The following GRM6 variants were observed in gnomAD, a reference collection of about 807,000 sequenced individuals.
GRM6 encodes the protein glutamate metabotropic receptor 6.
GRM6 carries 73 observed loss-of-function variants against 78.4 expected under a neutral mutation model. The ratio of observed to expected loss-of-function variants is 0.93; its 90% CI spans 0.77 to 1.13. The LOEUF (loss-of-function observed/expected upper bound fraction) is 1.13. Ranked by LOEUF, GRM6 falls within the 50% of genes most tolerant of loss-of-function variation. The pLI is 0.00. For missense variants in GRM6, 1,251 were observed against 1,256.4 expected (o/e 1.00, Z 0.07); for synonymous variants, 580 against 555.0 (o/e 1.05, Z -0.63).
Position 178,981,367 on chromosome 5 carries a change from T to C in GRM6, c.*290A>G, listed in dbSNP as rs1234036688. The C allele has an allele frequency of 2.4e-6, 1 of 408,754 alleles. No homozygotes were observed. 25.3% of individuals were successfully genotyped at this position (408,754 alleles called of 1,614,324 possible). A position where few individuals can be genotyped will look rare whatever the true frequency, so the allele number is the denominator to read the frequency against. On this transcript the variant is annotated 3_prime_UTR_variant, in exon 11 of 11. Coordinates refer to ENST00000517717, the MANE Select transcript of GRM6 (RefSeq NM_000843.4). This position sits in a 1 kb window ranked among gnomAD's most constrained non-coding sequence, Gnocchi z 5.1. ...TTCATCATCCTCTTTGGACTTCGGA[T>C]GAGAGAATAAGTTTAGTCCCTTTCT... is the stretch of plus-strand genomic sequence containing the variant.
chr5:178,995,117 G>T, intron 1 of GRM6, 157 bp from the exon 2 acceptor site: 1 of 275,454 alleles, frequency 3.6e-6, no homozygotes, highest in Non-Finnish European at 6.1e-6. Flanking sequence ...GCCTGCCCGG[G>T]CCTCCGTCTC....
In GRM6 at chr5:178,986,696, G is replaced by T; in HGVS notation, c.1558C>A (p.Leu520Met). The change falls in exon 9 of 11, where the codon CTG (leucine) becomes ATG (methionine). Residue 520 changes from leucine to methionine, a missense_variant. By Grantham distance (15) the Leu-to-Met change is conservative. Coordinates refer to ENST00000517717, the MANE Select transcript of GRM6 (RefSeq NM_000843.4). ...TTCCGCTCCCCCGGCCCGCAGGGCA[G>T]GCTGCACAGAGACGAGGGCACCTCG... ...PHEVPSSLCS[L>M]PCGPGERKKM... 6.2e-7 allele frequency: 1 copy of T among 1,604,650 alleles called. No individual in the cohort carries two copies.
chr5:178,991,525 G>A lies in GRM6; in HGVS notation c.756C>T (p.Pro252=). The change falls in exon 4 of 11, where the codon CCC becomes CCT. Residue 252 remains proline, a synonymous_variant. Coordinates refer to ENST00000517717, the MANE Select transcript of GRM6 (RefSeq NM_000843.4). This position sits in a 1 kb window ranked among gnomAD's most constrained non-coding sequence, Gnocchi z 5.0. Reference sequence around the variant, plus strand: ...TGAACTCTCCTGGCTTTGGTTCCCTGGGAATCTTGATAGACTGGGCAATAC... The same window carrying A: ...TGAACTCTCCTGGCTTTGGTTCCCTAGGAATCTTGATAGACTGGGCAATAC... ...GVCIAQSIKI[P]REPKPGEFSK... The A allele has an allele frequency of 6.8e-6, 11 of 1,613,798 alleles. No homozygotes were observed. Among genetic ancestry groups the A allele is most frequent in the Non-Finnish European group, 9.3e-6 (11 of 1,179,832 alleles).
Position 178,991,401 on chromosome 5 carries a change from C to T in GRM6, c.857+23G>A, listed in dbSNP as rs369327633. The T allele has an allele frequency of 3.1e-4, 494 of 1,612,496 alleles. 2 individuals carry two copies. In the East Asian group the frequency reaches 3.8e-3, roughly 13 times the overall value. The stretch of plus-strand genomic sequence containing the variant: ...ACCCTCAGGGAGAGCCCCAGGGGCC[C>T]GGTGATTGTGCCACTGTCCCACCTG... On this transcript the variant is annotated intron_variant, in intron 4 of 10. Transcript: ENST00000517717. This position sits in a 1 kb window ranked among gnomAD's most constrained non-coding sequence, Gnocchi z 5.0.
Position 178,994,863 on chromosome 5 carries a change from G to A in GRM6, c.82C>T (p.Arg28Cys). The A allele has an allele frequency of 8.4e-7, 1 of 1,196,094 alleles. No homozygotes were observed. Among genetic ancestry groups the A allele is most frequent in the Non-Finnish European group, 1.0e-6 (1 of 965,464 alleles). The allele number at this position is 1,196,094 out of a possible 1,614,324, so 74.1% of individuals were successfully genotyped here. ...GCCAGGCGCACAGAGCCCGCCGCGC[G>A]CGCCAGGCCCGCCTGCGCCAGCCAC... ...LAWLAQAGLA[R>C]AAGSVRLAGG... Residue 28 changes from arginine (R) to cysteine (C), a missense_variant, in exon 2 of 11, where the codon CGC becomes TGC. Arg to Cys is a radical substitution (Grantham distance 180). Transcript: ENST00000517717.
At position 178,980,328 on chromosome 5, in the gene GRM6, A is replaced by G. The variant is rs186709904; in HGVS notation, c.*1329T>C. ...AACCAAGCTTTTTGTAAAAACTATC[A>G]GTGAAAAACAAATGTGCGTGCATCT... On this transcript the variant is annotated 3_prime_UTR_variant, in exon 11 of 11. Transcript: ENST00000517717. The surrounding 1 kb of genome is among the most constrained non-coding windows in gnomAD (Gnocchi z 4.3). The G allele has an allele frequency of 3.9e-5, 6 of 154,548 alleles. No individual in the cohort carries two copies. The Admixed American group carries it at 3.9e-4, about 10-fold the overall frequency. The allele number at this position is 154,548 out of a possible 1,614,324, so 9.6% of individuals were successfully genotyped here. A position where few individuals can be genotyped will look rare whatever the true frequency, so the allele number is the denominator to read the frequency against.
At chr5:178,990,801 C>A in intron 4 of GRM6, 55 bp from the exon 5 acceptor site, 1 of 1,412,228 alleles carries the variant, frequency 7.1e-7, no homozygotes, top group Non-Finnish European at 9.7e-7. Context: ...TCCAGCTCGG[C>A]CCCCATCCCT....
In GRM6 at chr5:178,982,919, T is replaced by C. The variant is rs1242191937; in HGVS notation, c.2427A>G (p.Ser809=). 5.6e-6 allele frequency: 9 copies of C among 1,613,624 alleles called. No individual in the cohort carries two copies. In the South Asian group the frequency reaches 8.8e-5, roughly 16 times the overall value. The change falls in exon 10 of 11, where the codon TCA becomes TCG. Residue 809 remains serine (S), a synonymous_variant. Transcript: ENST00000517717. Reference sequence around the variant, plus strand: ...CTGGGGACCTCATTACCTTTTCAGCTGACTGGGCAGTGCCAAAGAAGATGG... The same window carrying C: ...CTGGGGACCTCATTACCTTTTCAGCCGACTGGGCAGTGCCAAAGAAGATGG... ...FVPIFFGTAQ[S]AEKIYIQTTT...
Position 178,991,307 on chromosome 5 carries a change from G to GC in GRM6, c.857+116_857+117insG. On this transcript the variant is annotated intron_variant, in intron 4 of 10. Coordinates refer to ENST00000517717, the MANE Select transcript of GRM6 (RefSeq NM_000843.4). The surrounding 1 kb of genome is among the most constrained non-coding windows in gnomAD (Gnocchi z 5.0). ...GAGGCAGCAGCAGGGAAGGTGGGGG[G>GC]TGCGGGGAGCAGGGGAAAGGGAGGC... 1 of 1,033,582 alleles carries GC rather than the reference G, an allele frequency of 9.7e-7. No homozygotes were observed. Among genetic ancestry groups the GC allele is most frequent in the Non-Finnish European group, 1.5e-6 (1 of 663,040 alleles). The allele number at this position is 1,033,582 out of a possible 1,614,324, so 64.0% of individuals were successfully genotyped here. A position where few individuals can be genotyped will look rare whatever the true frequency, so the allele number is the denominator to read the frequency against.
intron 9 of GRM6, 150 bp from the exon 10 acceptor site, chr5:178,983,371 T>C (rs1227823036): frequency 1.9e-5 from 14 of 756,672 alleles, no homozygotes; most frequent in Non-Finnish European, 3.2e-5. Flanking sequence ...TCAGGAGCAC[T>C]CAGTGGAGAA....
chr5:178,990,810 C>G (rs1760657051), intron 4 of GRM6, 64 bp from the exon 5 acceptor site: 1 of 1,312,800 alleles, frequency 7.6e-7, no homozygotes, highest in African/African-American at 1.5e-5. Context: ...GCCCCCATCC[C>G]TTCCCACTCT....
Position 178,991,671 on chromosome 5 carries a change from C to G in GRM6, c.722-112G>C. On this transcript the variant is annotated intron_variant, in intron 3 of 10. Transcript: ENST00000517717. The surrounding 1 kb of genome is among the most constrained non-coding windows in gnomAD (Gnocchi z 5.0). ...GCTGAAGGGTCTGCAGGGGTGAAGT[C>G]TGGCCTGCACCCTCCGCCAAGCCTG... 1 of 1,333,244 alleles carries G rather than the reference C, an allele frequency of 7.5e-7. No individual in the cohort carries two copies. The highest frequency in any genetic ancestry group is 1.1e-6 in the Non-Finnish European group (1 of 933,928). 82.6% of individuals were successfully genotyped at this position (1,333,244 alleles called of 1,614,324 possible).
In GRM6 at chr5:178,994,791, C is replaced by A. The variant is rs1174280583; in HGVS notation, c.154G>T (p.Ala52Ser). Reference protein sequence around the residue: ...GGLFPVHARGAAGRACGQLKK... With the variant: ...GGLFPVHARGSAGRACGQLKK... ...AGCTGCCCGCACGCCCGGCCCGCCGCGCCCCGCGCGTGCACCGGGAACAGG... is the reference window on the plus strand; with the variant it reads ...AGCTGCCCGCACGCCCGGCCCGCCGAGCCCCGCGCGTGCACCGGGAACAGG... The change falls in exon 2 of 11, where the codon GCG (alanine) becomes TCG (serine). Residue 52 changes from alanine to serine, a missense_variant. Ala to Ser is a moderately conservative substitution (Grantham distance 99, BLOSUM62 1). Coordinates refer to ENST00000517717, the MANE Select transcript of GRM6 (RefSeq NM_000843.4). 1.5e-6 allele frequency: 2 copies of A among 1,317,738 alleles called. No individual in the cohort carries two copies. Among genetic ancestry groups the A allele is most frequent in the Non-Finnish European group, 1.9e-6 (2 of 1,028,788 alleles). 81.6% of individuals were successfully genotyped at this position (1,317,738 alleles called of 1,614,324 possible). A position where few individuals can be genotyped will look rare whatever the true frequency, so the allele number is the denominator to read the frequency against.
In GRM6 at chr5:178,994,673, A is replaced by T; in HGVS notation, c.272T>A (p.Leu91Gln). The change falls in exon 2 of 11, where the codon CTG becomes CAG. Residue 91 changes from leucine (L) to glutamine (Q), a missense_variant. Physicochemically the swap from Leu to Gln is moderately radical, Grantham distance 113. Transcript: ENST00000517717. ...ADPELLPGVR[L>Q]GARLLDTCSR... ...GCAGGTGTCCAGCAGCCGCGCGCCCAGGCGCACGCCGGGCAGCAGCTCGGG... is the reference window on the plus strand; with the variant it reads ...GCAGGTGTCCAGCAGCCGCGCGCCCTGGCGCACGCCGGGCAGCAGCTCGGG... 6.8e-7 allele frequency: 1 copy of T among 1,468,110 alleles called. No individual in the cohort carries two copies. Among genetic ancestry groups the T allele is most frequent in the Non-Finnish European group, 9.0e-7 (1 of 1,112,986 alleles). 90.9% of individuals were successfully genotyped at this position (1,468,110 alleles called of 1,614,324 possible). A position where few individuals can be genotyped will look rare whatever the true frequency, so the allele number is the denominator to read the frequency against.
chr5:178,992,118 G>T lies in GRM6; in HGVS notation c.505-35C>A. 1 of 1,483,558 alleles carries T rather than the reference G, an allele frequency of 6.7e-7. No homozygotes were observed. Among genetic ancestry groups the T allele is most frequent in the Non-Finnish European group, 9.4e-7 (1 of 1,064,182 alleles). 91.9% of individuals were successfully genotyped at this position (1,483,558 alleles called of 1,614,324 possible). A position where few individuals can be genotyped will look rare whatever the true frequency, so the allele number is the denominator to read the frequency against. On this transcript the variant is annotated intron_variant, in intron 2 of 10. Coordinates refer to ENST00000517717, the MANE Select transcript of GRM6 (RefSeq NM_000843.4). The surrounding 1 kb of genome is among the most constrained non-coding windows in gnomAD (Gnocchi z 4.9). ...AGGAAGGACAGCTGGGCTGTGGATGGAGGTCAGTAACTCAAGAGAGGGAGG... is the reference window on the plus strand; with the variant it reads ...AGGAAGGACAGCTGGGCTGTGGATGTAGGTCAGTAACTCAAGAGAGGGAGG...
chr5:178,985,904 G>A (rs903895719), intron 9 of GRM6: 23 of 580,256 alleles, frequency 4.0e-5, no homozygotes, highest in Non-Finnish European at 6.2e-5. Flanking sequence ...TAGGACTACA[G>A]GCACGCACCA....
chr5:178,989,227 C>T (rs776924612), intron 6 of GRM6, 38 bp downstream of exon 6: 1 of 1,223,862 alleles, frequency 8.2e-7, no homozygotes, highest in South Asian at 1.3e-5. Context: ...ACCACCCTCC[C>T]CACCCTCCCC....
In GRM6 at chr5:178,978,575, T is replaced by G. The variant is rs1297733305; in HGVS notation, c.*3082A>C. On this transcript the variant is annotated 3_prime_UTR_variant, in exon 11 of 11. Coordinates refer to ENST00000517717, the MANE Select transcript of GRM6 (RefSeq NM_000843.4). ...ACACAGTGGACCACAGGTGAGACCT[T>G]ATAAATAGGTGGTTAAAGCTTACAT... is the stretch of plus-strand genomic sequence containing the variant. The G allele has an allele frequency of 6.6e-6, 1 of 152,216 alleles. No individual in the cohort carries two copies. The highest frequency in any genetic ancestry group is 1.5e-5 in the Non-Finnish European group (1 of 68,032). 9.4% of individuals were successfully genotyped at this position (152,216 alleles called of 1,614,324 possible). A position where few individuals can be genotyped will look rare whatever the true frequency, so the allele number is the denominator to read the frequency against.
chr5:178,982,362 G>T (rs1760411237), intron 10 of GRM6, among the ~76,000 whole-genome samples: 1 of 152,148 alleles, frequency 6.6e-6, no homozygotes, highest in South Asian at 2.1e-4. Flanking sequence ...TGGGTCACTT[G>T]AGGTCAAGAA....
Sources: allele counts gnomAD v4.1 joint callset (sites outside exome capture counted in the v4.1 genomes callset), GRCh38; gene constraint gnomAD v4.1.1; non-coding constraint Gnocchi (gnomAD v3.1); transcripts MANE v1.5; gene names NCBI Gene and HGNC (gene_info 2026-07-23, HGNC 2026-07-21).